Variants in MAN2A1 observed in about 807,000 individuals in gnomAD.
The protein encoded by MAN2A1 is alpha-mannosidase 2.
MAN2A1 carries 76 observed loss-of-function variants against 142.6 expected under a neutral mutation model. The ratio of observed to expected loss-of-function variants is 0.53; its 90% CI spans 0.44 to 0.65. The LOEUF (loss-of-function observed/expected upper bound fraction) is 0.65, where lower values mean the gene tolerates loss of function less well. Among genes scored for constraint, MAN2A1 ranks in the 30% least tolerant of loss-of-function variants. The pLI, the probability that MAN2A1 is intolerant of heterozygous loss-of-function variation, is 0.00. For synonymous variants in MAN2A1, 559 were observed against 473.2 expected (o/e 1.18, Z -2.35); for missense variants, 1,311 against 1,365.1 (o/e 0.96, Z 0.62).
intron 16 of MAN2A1, among the ~76,000 whole-genome samples, chr5:109,842,036 C>A (rs759611572): frequency 1.3e-5 from 2 of 152,184 alleles, no homozygotes; most frequent in Non-Finnish European, 2.9e-5. Flanking sequence ...CCTGTTTCTC[C>A]TCTAGAACTC....
At chr5:109,777,791 C>A (rs1753336422) in intron 8 of MAN2A1, among the ~76,000 whole-genome samples, 1 of 152,012 alleles carries the variant, frequency 6.6e-6, no homozygotes, top group Admixed American at 6.6e-5. Flanking sequence ...ATATCCAGCA[C>A]CATTTATTGA....
chr5:109,822,894 G>T lies in MAN2A1; in HGVS notation c.2452-829G>T, dbSNP rs375728293. Reference sequence around the variant, plus strand: ...GGGTTTCACCATGTTAGCCAGGATGGTCTCGATCTCCTGACCTTGTGATCC... The same window carrying T: ...GGGTTTCACCATGTTAGCCAGGATGTTCTCGATCTCCTGACCTTGTGATCC... On this transcript the variant is annotated intron_variant, in intron 15 of 21. Transcript: ENST00000261483. Among the ~76,000 whole-genome samples, 47 of 152,162 alleles carry T rather than the reference G, an allele frequency of 3.1e-4. No individual in the cohort carries two copies. The South Asian group carries it at 9.6e-3, about 31-fold the overall frequency.
At chr5:109,692,521 C>T (rs1750700224) in intron 1 of MAN2A1, among the ~76,000 whole-genome samples, 1 of 152,100 alleles carries the variant, frequency 6.6e-6, no homozygotes. Flanking sequence ...CAGGGTAAAA[C>T]TTAAGTGGCG....
At chr5:109,820,799 G>A (rs558710356) in intron 15 of MAN2A1, among the ~76,000 whole-genome samples, 62 of 152,210 alleles carry the variant, frequency 4.1e-4, no homozygotes, top group African/African-American at 1.4e-3. Context: ...GCAAGACCCC[G>A]TTAGATAAAT....
chr5:109,713,446 A>G (rs1751359403), intron 1 of MAN2A1, 74 bp from the exon 2 acceptor site: 1 of 1,313,890 alleles, frequency 7.6e-7, no homozygotes, highest in East Asian at 2.4e-5. Context: ...ACATAATTTA[A>G]AAAAAAAAAT....
chr5:109,827,052 T>C (rs1347411995), intron 16 of MAN2A1, among the ~76,000 whole-genome samples: 1 of 152,228 alleles, frequency 6.6e-6, no homozygotes, highest in Non-Finnish European at 1.5e-5. Context: ...ATGCTACTTT[T>C]GTCCCCCTTA....
chr5:109,785,936 G>A (rs1328529499), intron 10 of MAN2A1, among the ~76,000 whole-genome samples: 1 of 152,022 alleles, frequency 6.6e-6, no homozygotes, highest in Non-Finnish European at 1.5e-5. Context: ...TAAAATCAAT[G>A]TTAAAAAATT....
rs1753116758 is a variant in MAN2A1, at chr5:109,770,527, A to G, written c.1182A>G (p.Gly394=). The change falls in exon 7 of 22, where the codon GGA becomes GGG. Residue 394 remains glycine (G), a synonymous_variant. Transcript: ENST00000261483. ...TCCCCCCAGAAACAATACATCCTGG[A>G]AATGTCCAAAGCAGGTATGAAAATG... ...WGVPPETIHP[G]NVQSRARMLL... The G allele has an allele frequency of 6.2e-7, 1 of 1,613,730 alleles. No homozygotes were observed. Among genetic ancestry groups the G allele is most frequent in the Non-Finnish European group, 8.5e-7 (1 of 1,179,784 alleles).
chr5:109,784,841 G>A lies in MAN2A1; in HGVS notation c.1675G>A (p.Ala559Thr). 1 of 1,612,986 alleles carries A rather than the reference G, an allele frequency of 6.2e-7. No individual in the cohort carries two copies. The highest frequency in any genetic ancestry group is 8.5e-7 in the Non-Finnish European group (1 of 1,179,420). The stretch of plus-strand genomic sequence containing the variant: ...ATCACTTTACACGGCACTGACAGAA[G>A]CCAGAAGGAATTTGGGACTGTTTCA... ...SSSLYTALTE[A>T]RRNLGLFQHH... is the part of the protein sequence containing the mutation. Residue 559 changes from alanine (A) to threonine (T), a missense_variant, in exon 10 of 22, where the codon GCC becomes ACC. Ala to Thr is a moderately conservative substitution (Grantham distance 58). Coordinates refer to ENST00000261483, the MANE Select transcript of MAN2A1 (RefSeq NM_002372.4).
At chr5:109,718,924 G>A (rs187934072) in intron 3 of MAN2A1, among the ~76,000 whole-genome samples, 6 of 147,166 alleles carry the variant, frequency 4.1e-5, no homozygotes, top group Non-Finnish European at 7.5e-5. Context: ...ATTCTTTGGC[G>A]TAGGCTTTTC....
chr5:109,863,705 T>C (rs968418754), intron 20 of MAN2A1: 1 of 152,238 alleles, frequency 6.6e-6, no homozygotes, highest in African/African-American at 2.4e-5. Context: ...TGTTTCTTAT[T>C]CTTTTGGAGA....
chr5:109,790,938 C>T (rs893551386), intron 12 of MAN2A1, among the ~76,000 whole-genome samples: 3 of 151,908 alleles, frequency 2.0e-5, no homozygotes, highest in African/African-American at 7.3e-5. Context: ...ACTGTCTTTG[C>T]CTTAGCAAAC....
At chr5:109,792,518 A>G (rs937725381) in intron 12 of MAN2A1, among the ~76,000 whole-genome samples, 1 of 152,092 alleles carries the variant, frequency 6.6e-6, no homozygotes, top group African/African-American at 2.4e-5. Flanking sequence ...AGCATTCTCT[A>G]GGTACTTCTT....
intron 3 of MAN2A1, among the ~76,000 whole-genome samples, chr5:109,719,550 A>G (rs17162108): frequency 0.054 from 8,175 of 152,252 alleles, 222 homozygotes; most frequent in Non-Finnish European, 0.064. Flanking sequence ...TGAATGTGCA[A>G]TTAGGCAGTG....
At chr5:109,755,282 C>G (rs772819219) in intron 4 of MAN2A1, 47 bp from the exon 5 acceptor site, 1 of 1,480,008 alleles carries the variant, frequency 6.8e-7, no homozygotes, top group Non-Finnish European at 9.4e-7. Flanking sequence ...TTCATTTGAA[C>G]TTTTCTTAAC....
Position 109,729,373 on chromosome 5 carries a change from A to T in MAN2A1, c.567A>T (p.Arg189Ser). Reference sequence around the variant, plus strand: ...TGAAGACTTTCAATGACTACTTTAGAGACAAGACTCAGTATATTTTTAATA... The same window carrying T: ...TGAAGACTTTCAATGACTACTTTAGTGACAAGACTCAGTATATTTTTAATA... ...GWLKTFNDYF[R>S]DKTQYIFNNM... The change falls in exon 4 of 22, where the codon AGA (arginine) becomes AGT (serine). Residue 189 changes from arginine (R) to serine (S), a missense_variant. Around this residue, in one of 3 missense-constraint regions of MAN2A1, gnomAD observed 409 missense variants for 412.7 expected, o/e 0.99. Transcript: ENST00000261483. 6.2e-7 allele frequency: 1 copy of T among 1,605,364 alleles called. No individual in the cohort carries two copies. The highest frequency in any genetic ancestry group is 8.5e-7 in the Non-Finnish European group (1 of 1,176,782).
At chr5:109,782,427 A>G (rs1040981127) in intron 9 of MAN2A1, among the ~76,000 whole-genome samples, 1 of 152,278 alleles carries the variant, frequency 6.6e-6, no homozygotes, top group East Asian at 1.9e-4. Flanking sequence ...TATGGCTACC[A>G]TATTGGAGAG....
intron 4 of MAN2A1, among the ~76,000 whole-genome samples, chr5:109,732,607 T>C (rs1388027468): frequency 6.6e-6 from 1 of 152,160 alleles, no homozygotes; most frequent in Non-Finnish European, 1.5e-5. Flanking sequence ...CAGCACCATT[T>C]ATTAAATAGG....
chr5:109,791,941 T>C (rs1455797112), intron 12 of MAN2A1, among the ~76,000 whole-genome samples: 1 of 152,120 alleles, frequency 6.6e-6, no homozygotes, highest in Non-Finnish European at 1.5e-5. Flanking sequence ...TAAAAAGTAG[T>C]CCAAGATCTG....
Sources: gnomAD v4.1 joint callset for allele counts (sites outside exome capture counted in the v4.1 genomes callset) on GRCh38, gnomAD v4.1.1 for gene constraint, gnomAD v4.1.1 regional missense constraint, MANE v1.5 for transcripts, NCBI Gene and HGNC (gene_info 2026-07-23, HGNC 2026-07-21) for gene names.